PRKCH: variants seen among roughly 807,000 people sequenced by gnomAD.
PRKCH encodes protein kinase C eta type.
PRKCH carries 28 observed loss-of-function variants against 82.5 expected under a neutral mutation model. The observed-to-expected ratio is 0.34, with a 90% CI of 0.25 to 0.47. The LOEUF is 0.47. Among genes scored for constraint, PRKCH ranks in the 20% least tolerant of loss-of-function variants. PRKCH has a pLI of 1.00. For synonymous variants in PRKCH, 322 were observed against 327.4 expected, an observed-to-expected ratio of 0.98 and a Z score of 0.18; for missense variants, 705 against 881.8, an observed-to-expected ratio of 0.80 and a Z score of 2.54.
At chr14:61,362,213 A>G (rs2046233732) in intron 1 of PRKCH, among the ~76,000 whole-genome samples, 1 of 151,896 alleles carries the variant, frequency 6.6e-6, no homozygotes, top group African/African-American at 2.4e-5. Flanking sequence ...GGTGCTATGT[A>G]CCTGTAGTCC....
At chr14:61,489,933 T>A (rs1307916546) in intron 10 of PRKCH, among the ~76,000 whole-genome samples, 3 of 152,256 alleles carry the variant, frequency 2.0e-5, no homozygotes, top group Non-Finnish European at 4.4e-5. Flanking sequence ...TTTGATTGGC[T>A]GTTTTTGACA....
At chr14:61,461,262 G>T (rs17098407) in intron 9 of PRKCH, among the ~76,000 whole-genome samples, 7,173 of 152,146 alleles carry the variant, frequency 0.047, 572 homozygotes, top group African/African-American at 0.16. Flanking sequence ...CGACTTCCTT[G>T]GCTGGGCACT....
intron 1 of PRKCH, among the ~76,000 whole-genome samples, chr14:61,218,097 T>G (rs1204334721): frequency 6.6e-6 from 1 of 152,164 alleles, no homozygotes; most frequent in East Asian, 1.9e-4. Context: ...TCATTTCTAT[T>G]CTCTAGTTCA....
chr14:61,379,329 TATC>T (rs1462388060), intron 1 of PRKCH, among the ~76,000 whole-genome samples: 1 of 152,218 alleles, frequency 6.6e-6, no homozygotes, highest in African/African-American at 2.4e-5. Context: ...GTAAAGGTGT[TATC>T]ATAGAATAAC....
At chr14:61,254,301 A>G (rs1390126532) in intron 1 of PRKCH, among the ~76,000 whole-genome samples, 2 of 152,148 alleles carry the variant, frequency 1.3e-5, no homozygotes, top group African/African-American at 4.8e-5. Flanking sequence ...ATCTTAAAAG[A>G]CAGAAAAAGT....
intron 1 of PRKCH, among the ~76,000 whole-genome samples, chr14:61,368,761 A>G (rs966709001): frequency 1.3e-5 from 2 of 152,106 alleles, no homozygotes; most frequent in Admixed American, 1.3e-4. Flanking sequence ...TTGATTATAA[A>G]TGGTGACTTT....
At chr14:61,532,335 T>G (rs563229596) in intron 12 of PRKCH, among the ~76,000 whole-genome samples, 2 of 152,350 alleles carry the variant, frequency 1.3e-5, no homozygotes, top group Non-Finnish European at 2.9e-5. Flanking sequence ...AGTCAGTCTA[T>G]GCCTCAATAA....
intron 13 of PRKCH, among the ~76,000 whole-genome samples, chr14:61,549,167 G>A (rs76537762): frequency 0.07 from 10,626 of 152,216 alleles, 438 homozygotes; most frequent in East Asian, 0.14. Context: ...CCAGCAGGGC[G>A]TAACGCATCT....
At chr14:61,381,964 C>T (rs565029438) in intron 1 of PRKCH, among the ~76,000 whole-genome samples, 106 of 152,332 alleles carry the variant, frequency 7.0e-4, no homozygotes, top group African/African-American at 2.4e-3. Context: ...GCTTGACCTT[C>T]GCTGTTTGTG....
chr14:61,193,708 A>T (rs1280562658), intron 1 of PRKCH, among the ~76,000 whole-genome samples: 1 of 152,244 alleles, frequency 6.6e-6, no homozygotes, highest in Non-Finnish European at 1.5e-5. Context: ...TGTTTACAAC[A>T]GAAGGTTGGA....
intron 1 of PRKCH, among the ~76,000 whole-genome samples, chr14:61,346,993 G>GT (rs1475436439): frequency 5.9e-5 from 9 of 152,148 alleles, no homozygotes; most frequent in African/African-American, 2.2e-4. Context: ...GAATTTTACC[G>GT]TATGTTTACT....
Position 61,212,152 on chromosome 14 carries a change from A to G in PRKCH, c.-19+24484A>G, listed in dbSNP as rs546607998. On this transcript the variant is annotated intron_variant, in intron 1 of 3. Coordinates refer to the PRKCH transcript ENST00000555185. ...CTGTGGCTTTCAGGCTGGCTTAGAA[A>G]ATCCAATCGCACATGGAAAAACACA... Among the ~76,000 whole-genome samples the G allele has an allele frequency of 2.0e-5, 3 of 152,290 alleles. No homozygotes were observed. The East Asian group carries it at 5.8e-4, about 29-fold the overall frequency.
At chr14:61,408,595 T>A (rs1033554112) in intron 2 of PRKCH, among the ~76,000 whole-genome samples, 1 of 152,168 alleles carries the variant, frequency 6.6e-6, no homozygotes, top group African/African-American at 2.4e-5. Flanking sequence ...AAGGGGCTAA[T>A]GATACCTAAA....
At chr14:61,242,379 C>T (rs1360739903) in intron 1 of PRKCH, among the ~76,000 whole-genome samples, 7 of 152,208 alleles carry the variant, frequency 4.6e-5, no homozygotes, top group African/African-American at 1.7e-4. Flanking sequence ...GCAGGCAATG[C>T]TTATTTATAC....
chr14:61,391,734 G>A (rs575642424), intron 2 of PRKCH, among the ~76,000 whole-genome samples: 46 of 152,158 alleles, frequency 3.0e-4, no homozygotes, highest in East Asian at 9.7e-4. Context: ...TGTGGCTACC[G>A]TACTCCCTAC....
chr14:61,228,848 C>T (rs533133415), intron 1 of PRKCH, among the ~76,000 whole-genome samples: 22 of 151,722 alleles, frequency 1.5e-4, no homozygotes, highest in African/African-American at 5.1e-4. Context: ...CAAGACCAGC[C>T]GGGGCAACAT....
At chr14:61,517,577 G>T (rs148885787) in intron 10 of PRKCH, among the ~76,000 whole-genome samples, 1 of 152,174 alleles carries the variant, frequency 6.6e-6, no homozygotes, top group South Asian at 2.1e-4. Context: ...TTTAATAACA[G>T]CCACAGTGAC....
At chr14:61,361,603 G>A (rs2140161561) in intron 1 of PRKCH, among the ~76,000 whole-genome samples, 1 of 152,286 alleles carries the variant, frequency 6.6e-6, no homozygotes, top group South Asian at 2.1e-4. Flanking sequence ...AGTATAGGTA[G>A]ATAGGAACAT....
chr14:61,241,982 C>T (rs981511440), intron 1 of PRKCH, among the ~76,000 whole-genome samples: 4 of 152,036 alleles, frequency 2.6e-5, no homozygotes, highest in African/African-American at 9.7e-5. Context: ...TAGCCACCTC[C>T]CCATTACAAA....
Sources: allele counts gnomAD v4.1 joint callset (sites outside exome capture counted in the v4.1 genomes callset), GRCh38; gene constraint gnomAD v4.1.1; transcripts MANE v1.5; gene names NCBI Gene and HGNC (gene_info 2026-07-23, HGNC 2026-07-21).